The following PHLDA3 variants were observed in gnomAD, a reference collection of about 807,000 sequenced individuals.
The protein encoded by PHLDA3 is pleckstrin homology-like domain family A member 3.
A neutral mutation model predicts 7.6 loss-of-function variants in PHLDA3; 12 were observed. The observed-to-expected ratio is 1.58, with a 90% CI of 1.01 to 2.55. The LOEUF (loss-of-function observed/expected upper bound fraction) is 2.55, where lower values mean the gene tolerates loss of function less well. Among genes scored for constraint, PHLDA3 ranks in the 30% most tolerant of loss-of-function variants. The pLI is 0.00. For missense variants in PHLDA3, 177 were observed against 175.6 expected (o/e 1.01, Z -0.05); for synonymous variants, 104 against 85.1 (o/e 1.22, Z -1.23).
Position 201,464,559 on chromosome 1 carries a change from A to C in PHLDA3, c.*1682T>G, listed in dbSNP as rs1663615162. 1 of 152,218 alleles carries C rather than the reference A, an allele frequency of 6.6e-6. No homozygotes were observed. The highest frequency in any genetic ancestry group is 6.5e-5 in the Admixed American group (1 of 15,276). The allele number at this position is 152,218 out of a possible 1,614,324, so 9.4% of individuals were successfully genotyped here. On this transcript the variant is annotated 3_prime_UTR_variant, in exon 2 of 2. Transcript: ENST00000367311. ...CGAGAGAAATCTGAACGGGAACAAAACAGGTTGGAAGCACAAAACAATTAA... is the reference window on the plus strand; with the variant it reads ...CGAGAGAAATCTGAACGGGAACAAACCAGGTTGGAAGCACAAAACAATTAA...
chr1:201,464,864 G>A lies in PHLDA3; in HGVS notation c.*1377C>T, dbSNP rs6701589. On this transcript the variant is annotated 3_prime_UTR_variant, in exon 2 of 2. Coordinates refer to ENST00000367311, the MANE Select transcript of PHLDA3 (RefSeq NM_012396.5). ...TTGCTGCTTTGTCACCTAGGCTGGA[G>A]TGCAGTGGTGCCATCTCAGCTCACT... The A allele has an allele frequency of 0.11, 16,880 of 152,166 alleles. 1,255 individuals are homozygous for A. Among genetic ancestry groups the A allele is most frequent in the African/African-American group, 0.19 (8,081 of 41,450 alleles). 9.4% of individuals were successfully genotyped at this position (152,166 alleles called of 1,614,324 possible). A position where few individuals can be genotyped will look rare whatever the true frequency, so the allele number is the denominator to read the frequency against.
chr1:201,467,601 ACT>A (rs1381772825), intron 1 of PHLDA3: 1 of 153,904 alleles, frequency 6.5e-6, no homozygotes, highest in African/African-American at 2.4e-5. Context: ...ACACAGCGAG[ACT>A]CTGTCTCAAA....
rs1313250931 is a variant in PHLDA3 at position 201,465,061 on chromosome 1, C to T, written c.*1180G>A. On this transcript the variant is annotated 3_prime_UTR_variant, in exon 2 of 2. Transcript: ENST00000367311. ...TCCTGACCTCAGGTGATCCACCCACCTCAGCCTCCCAAAGTCCTTGGATTA... is the reference window on the plus strand; with the variant it reads ...TCCTGACCTCAGGTGATCCACCCACTTCAGCCTCCCAAAGTCCTTGGATTA... 6.6e-6 allele frequency: 1 copy of T among 152,250 alleles called. No individual in the cohort carries two copies. The highest frequency in any genetic ancestry group is 1.5e-5 in the Non-Finnish European group (1 of 68,076). 9.4% of individuals were successfully genotyped at this position (152,250 alleles called of 1,614,324 possible). A position where few individuals can be genotyped will look rare whatever the true frequency, so the allele number is the denominator to read the frequency against.
rs749008469 is a variant in PHLDA3, at chr1:201,468,444, G to A, written c.343C>T (p.Arg115Trp). 21 of 1,613,976 alleles carry A rather than the reference G, an allele frequency of 1.3e-5. No homozygotes were observed. Among genetic ancestry groups the A allele is most frequent in the Middle Eastern group, 1.6e-4 (1 of 6,084 alleles). The change falls in exon 1 of 2, where the codon CGG (arginine) becomes TGG (tryptophan). Residue 115 changes from arginine to tryptophan, a missense_variant. By Grantham distance (101) the Arg-to-Trp change is moderately radical. Coordinates refer to ENST00000367311, the MANE Select transcript of PHLDA3 (RefSeq NM_012396.5). ...CCGGTCCCGAGGCTCTGCCGGGCCC[G>A]CACTGTCTGGATGGCCTGCTGGTTC... is the stretch of plus-strand genomic sequence containing the variant. ...FKNQQAIQTVRARQSLGTGTL... is the reference protein window; with the variant it reads ...FKNQQAIQTVWARQSLGTGTL...
In PHLDA3 at chr1:201,465,931, C is replaced by T. The variant is rs143001949; in HGVS notation, c.*310G>A. The T allele has an allele frequency of 2.9e-3, 456 of 155,112 alleles. 1 individual carries two copies. The highest frequency in any genetic ancestry group is 4.4e-3 in the Non-Finnish European group (301 of 68,358). 9.6% of individuals were successfully genotyped at this position (155,112 alleles called of 1,614,324 possible). On this transcript the variant is annotated 3_prime_UTR_variant, in exon 2 of 2. Transcript: ENST00000367311. ...GCAGGACCACAGCAGGGAGGGGGCT[C>T]CTATGCCAGCTCCCCCTCATGCCAT... is the stretch of plus-strand genomic sequence containing the variant.
rs1663735168 is a variant in PHLDA3 at position 201,468,506 on chromosome 1, C to CA, written c.280dup (p.Trp94LeufsTer133). On this transcript the variant is annotated frameshift_variant, in exon 1 of 2. Coordinates refer to ENST00000367311, the MANE Select transcript of PHLDA3 (RefSeq NM_012396.5). LOFTEE classifies it high-confidence loss of function. ...CAGGCCTAGGGTGATCTGGGCGTTC[C>CA]AGCCGGGATCTTCCAGGGGGCAGCG... 1 of 1,614,164 alleles carries CA rather than the reference C, an allele frequency of 6.2e-7. No homozygotes were observed. Among genetic ancestry groups the CA allele is most frequent in the African/African-American group, 1.3e-5 (1 of 75,052 alleles).
chr1:201,469,022 T>G lies in PHLDA3; in HGVS notation c.-236A>C, dbSNP rs1051484545. On this transcript the variant is annotated 5_prime_UTR_variant, in exon 1 of 2. Coordinates refer to ENST00000367311, the MANE Select transcript of PHLDA3 (RefSeq NM_012396.5). ...CCCCGCTTCAGCCGGCACCCGCTCC[T>G]CCGCTCTACCCCAGCTGGCCCAGCC... 4 of 419,724 alleles carry G rather than the reference T, an allele frequency of 9.5e-6. No homozygotes were observed. Among genetic ancestry groups the G allele is most frequent in the Non-Finnish European group, 1.6e-5 (4 of 246,604 alleles). The allele number at this position is 419,724 out of a possible 1,614,324, so 26.0% of individuals were successfully genotyped here. A position where few individuals can be genotyped will look rare whatever the true frequency, so the allele number is the denominator to read the frequency against.
At chr1:201,466,975 C>T (rs1035993462) in intron 1 of PHLDA3, among the ~76,000 whole-genome samples, 2 of 152,130 alleles carry the variant, frequency 1.3e-5, no homozygotes, top group African/African-American at 4.8e-5. Flanking sequence ...CCTTCAGCTC[C>T]CTTGCTCTCC....
In PHLDA3 at chr1:201,468,520, CA is replaced by C. The variant is rs768573971; in HGVS notation, c.266del (p.Leu89ArgfsTer12). On this transcript the variant is annotated frameshift_variant, in exon 1 of 2. Coordinates refer to ENST00000367311, the MANE Select transcript of PHLDA3 (RefSeq NM_012396.5). LOFTEE classifies it high-confidence loss of function. ...TCTGGGCGTTCCAGCCGGGATCTTCCAGGGGGCAGCGGAAGTCGATCTCGCC... is the reference window on the plus strand; with the variant it reads ...TCTGGGCGTTCCAGCCGGGATCTTCCGGGGGCAGCGGAAGTCGATCTCGCC... ...GGGEIDFRCPLEDPGWNAQIT... is the reference protein window; with the variant it reads ...GGGEIDFRCPXEDPGWNAQIT... 44 of 1,614,168 alleles carry C rather than the reference CA, an allele frequency of 2.7e-5. No homozygotes were observed. In the East Asian group the frequency reaches 6.0e-4, roughly 22 times the overall value.
Position 201,468,929 on chromosome 1 carries a change from C to T in PHLDA3, c.-143G>A. 1 of 926,166 alleles carries T rather than the reference C, an allele frequency of 1.1e-6. No individual in the cohort carries two copies. Among genetic ancestry groups the T allele is most frequent in the Non-Finnish European group, 1.5e-6 (1 of 685,948 alleles). The allele number at this position is 926,166 out of a possible 1,614,324, so 57.4% of individuals were successfully genotyped here. A position where few individuals can be genotyped will look rare whatever the true frequency, so the allele number is the denominator to read the frequency against. On this transcript the variant is annotated 5_prime_UTR_variant, in exon 1 of 2. In the 5' UTR this introduces an upstream ATG that the reference lacks. Transcript: ENST00000367311. Reference sequence around the variant, plus strand: ...GCCCTGACTGCTCCGCGCACCCACACCGCGGCCCTCAGCACCCGGCTGCCG... The same window carrying T: ...GCCCTGACTGCTCCGCGCACCCACATCGCGGCCCTCAGCACCCGGCTGCCG...
rs1454183459 is a variant in PHLDA3 at position 201,468,372 on chromosome 1, A to G, written c.*31T>C. On this transcript the variant is annotated 3_prime_UTR_variant, in exon 1 of 2. Transcript: ENST00000367311. ...TGACCTCAGCACTGAGGTGGTGGGTAGCATGAAGGAAAGATGGTGCGCCCG... is the reference window on the plus strand; with the variant it reads ...TGACCTCAGCACTGAGGTGGTGGGTGGCATGAAGGAAAGATGGTGCGCCCG... 1 of 1,612,814 alleles carries G rather than the reference A, an allele frequency of 6.2e-7. No homozygotes were observed. The highest frequency in any genetic ancestry group is 1.3e-5 in the African/African-American group (1 of 74,870).
At chr1:201,468,092 C>A (rs1339594348) in intron 1 of PHLDA3, among the ~76,000 whole-genome samples, 1 of 152,252 alleles carries the variant, frequency 6.6e-6, no homozygotes, top group East Asian at 1.9e-4. Flanking sequence ...AGGTATCCCC[C>A]TCCCAGGGCT....
In PHLDA3 at chr1:201,465,471, A is replaced by T. The variant is rs898540864; in HGVS notation, c.*770T>A. 4 of 154,490 alleles carry T rather than the reference A, an allele frequency of 2.6e-5. No individual in the cohort carries two copies. Among genetic ancestry groups the T allele is most frequent in the Non-Finnish European group, 5.9e-5 (4 of 68,148 alleles). The allele number at this position is 154,490 out of a possible 1,614,324, so 9.6% of individuals were successfully genotyped here. A position where few individuals can be genotyped will look rare whatever the true frequency, so the allele number is the denominator to read the frequency against. On this transcript the variant is annotated 3_prime_UTR_variant, in exon 2 of 2. Coordinates refer to ENST00000367311, the MANE Select transcript of PHLDA3 (RefSeq NM_012396.5). Reference sequence around the variant, plus strand: ...CTCCAAGCCCTGGGTCTTTGTGGGCAAAGAATTTCACTCAGCAAACTGTGT... The same window carrying T: ...CTCCAAGCCCTGGGTCTTTGTGGGCTAAGAATTTCACTCAGCAAACTGTGT...
rs1301599272 is a variant in PHLDA3, at chr1:201,468,905, C to T, written c.-119G>A. ...AGGCCGTGCGCGCTGCCCACCTGCGCCCTGACTGCTCCGCGCACCCACACC... is the reference window on the plus strand; with the variant it reads ...AGGCCGTGCGCGCTGCCCACCTGCGTCCTGACTGCTCCGCGCACCCACACC... On this transcript the variant is annotated 5_prime_UTR_variant, in exon 1 of 2. Transcript: ENST00000367311. 3 of 1,144,438 alleles carry T rather than the reference C, an allele frequency of 2.6e-6. No individual in the cohort carries two copies. Among genetic ancestry groups the T allele is most frequent in the Non-Finnish European group, 2.3e-6 (2 of 874,116 alleles). 70.9% of individuals were successfully genotyped at this position (1,144,438 alleles called of 1,614,324 possible).
At position 201,468,726 on chromosome 1, in the gene PHLDA3, C is replaced by G; in HGVS notation, c.61G>C (p.Gly21Arg). ...TTCCGCTTCCACAGCTGCAGCAGCC[C>G]GCCGCTGCGCTTCTCCAGCACGCCC... ...KEGVLEKRSG[G>R]LLQLWKRKRC... The change falls in exon 1 of 2, where the codon GGG (glycine) becomes CGG (arginine). Residue 21 changes from glycine (G) to arginine (R), a missense_variant. Coordinates refer to ENST00000367311, the MANE Select transcript of PHLDA3 (RefSeq NM_012396.5). 2 of 1,601,752 alleles carry G rather than the reference C, an allele frequency of 1.2e-6. No homozygotes were observed. The highest frequency in any genetic ancestry group is 1.7e-5 in the Admixed American group (1 of 59,342).
chr1:201,469,166 C>T lies in PHLDA3; in HGVS notation c.-380G>A, dbSNP rs1195592105. On this transcript the variant is annotated 5_prime_UTR_variant, in exon 1 of 2. Transcript: ENST00000367311. ...TGGGCGGCAGCTCGCGGGATGTGCC[C>T]TTACATGTTCCGCCGCTCGCCTCCT... 1.0e-5 allele frequency: 2 copies of T among 195,538 alleles called. No individual in the cohort carries two copies. Among genetic ancestry groups the T allele is most frequent in the African/African-American group, 4.7e-5 (2 of 42,780 alleles). The allele number at this position is 195,538 out of a possible 1,614,324, so 12.1% of individuals were successfully genotyped here. A position where few individuals can be genotyped will look rare whatever the true frequency, so the allele number is the denominator to read the frequency against.
rs149004059 is a variant in PHLDA3 at position 201,468,429 on chromosome 1, G to A, written c.358C>T (p.Leu120Phe). The A allele has an allele frequency of 6.9e-5, 112 of 1,614,150 alleles. 1 individual carries two copies. The African/African-American group carries it at 1.3e-3, about 19-fold the overall frequency. The change falls in exon 1 of 2, where the codon CTC becomes TTC. Residue 120 changes from leucine to phenylalanine, a missense_variant. By Grantham distance (22) the Leu-to-Phe change is conservative. Transcript: ENST00000367311. ...TAGGACACGAGGGTCCCGGTCCCGA[G>A]GCTCTGCCGGGCCCGCACTGTCTGG... ...AIQTVRARQS[L>F]GTGTLVS
At chr1:201,468,219 G>T in intron 1 of PHLDA3, 122 bp downstream of exon 1, 1 of 733,780 alleles carries the variant, frequency 1.4e-6, no homozygotes, top group Non-Finnish European at 2.1e-6. Context: ...CCCTCAGTTG[G>T]CCCCAGGAAC....
At position 201,468,559 on chromosome 1, in the gene PHLDA3, C is replaced by A. The variant is rs1558299764; in HGVS notation, c.228G>T (p.Val76=). 1.9e-6 allele frequency: 3 copies of A among 1,613,948 alleles called. No individual in the cohort carries two copies. The highest frequency in any genetic ancestry group is 2.5e-6 in the Non-Finnish European group (3 of 1,180,032). ...STGRHIYFTL[V]TEGGGEIDFR... The stretch of plus-strand genomic sequence containing the variant: ...AGTCGATCTCGCCGCCCCCTTCGGT[C>A]ACCAGCGTGAAGTAGATGTGGCGCC... The change falls in exon 1 of 2, where the codon GTG becomes GTT. Residue 76 remains valine (V), a synonymous_variant. Transcript: ENST00000367311.
Sources: allele counts gnomAD v4.1 joint callset (sites outside exome capture counted in the v4.1 genomes callset), GRCh38; gene constraint gnomAD v4.1.1; transcripts MANE v1.5; gene names NCBI Gene and HGNC (gene_info 2026-07-23, HGNC 2026-07-21).